The following RAD51D variants were observed in gnomAD, a reference collection of about 807,000 sequenced individuals.
The protein encoded by RAD51D is DNA repair protein RAD51 homolog 4.
In RAD51D, 38 loss-of-function variants were observed where a neutral mutation model predicts 44.1. The ratio of observed to expected loss-of-function variants is 0.86; its 90% CI spans 0.67 to 1.13. RAD51D has a LOEUF of 1.13. Among genes scored for constraint, RAD51D ranks in the 50% most tolerant of loss-of-function variants. The pLI is 0.00. For synonymous variants in RAD51D, 141 were observed against 166.6 expected (o/e 0.85, Z 1.18); for missense variants, 390 against 414.0 (o/e 0.94, Z 0.50).
At chr17:35,115,922 AGGAAGGAAGG>A (rs2091732588) in intron 3 of RAD51D, among the ~76,000 whole-genome samples, 1 of 129,950 alleles carries the variant, frequency 7.7e-6, no homozygotes, top group African/African-American at 2.7e-5. Flanking sequence ...GAAGGAAGGA[AGGAAGGAAGG>A]AAGGAAGAAA....
At chr17:35,114,234 TG>T (rs1212217967) in intron 3 of RAD51D, among the ~76,000 whole-genome samples, 1 of 151,862 alleles carries the variant, frequency 6.6e-6, no homozygotes, top group Non-Finnish European at 1.5e-5. Flanking sequence ...ATCGCGCCAC[TG>T]CACCCCAGCC....
intron 3 of RAD51D, among the ~76,000 whole-genome samples, chr17:35,117,894 C>A (rs770068225): frequency 6.6e-6 from 1 of 152,204 alleles, no homozygotes; most frequent in Non-Finnish European, 1.5e-5. Flanking sequence ...TTGAGCCTCA[C>A]CTTTGCCACT....
chr17:35,093,872 C>T lies in RAD51D; in HGVS notation c.*7081G>A, dbSNP rs1212564634. 1.3e-5 allele frequency: 2 copies of T among 152,156 alleles called. No individual in the cohort carries two copies. The highest frequency in any genetic ancestry group is 3.9e-4 in the East Asian group (2 of 5,192). 9.4% of individuals were successfully genotyped at this position (152,156 alleles called of 1,614,324 possible). A position where few individuals can be genotyped will look rare whatever the true frequency, so the allele number is the denominator to read the frequency against. ...CACAGAGCCTTCTCCAATGCCAAAC[C>T]CCAGCACACAGAACTAGACAGTTTA... On this transcript the variant is annotated 3_prime_UTR_variant, in exon 10 of 10. Coordinates refer to ENST00000345365, the MANE Select transcript of RAD51D (RefSeq NM_002878.4).
At chr17:35,112,132 C>T (rs552997612) in intron 3 of RAD51D, among the ~76,000 whole-genome samples, 14 of 152,348 alleles carry the variant, frequency 9.2e-5, no homozygotes, top group African/African-American at 3.4e-4. Context: ...GGCTGGAGTG[C>T]AGTGGCGCAA....
intron 3 of RAD51D, 52 bp from the exon 4 acceptor site, chr17:35,107,499 G>C: frequency 1.4e-6 from 2 of 1,383,676 alleles, no homozygotes; most frequent in Non-Finnish European, 2.1e-6. Flanking sequence ...GGAAGACAGG[G>C]GAAAAGGTAC....
chr17:35,107,437 GT>G lies in RAD51D; in HGVS notation c.273del (p.Lys91AsnfsTer12). The G allele has an allele frequency of 6.4e-7, 1 of 1,550,962 alleles. No individual in the cohort carries two copies. The highest frequency in any genetic ancestry group is 1.1e-5 in the South Asian group (1 of 89,744). The part of the protein sequence containing the change: ...ILSTGIGSLD[K>X]LLDAGLYTGE... Reference sequence around the variant, plus strand: ...CCAGTATAGAGACCAGCATCAAGCAGTTTATCAAGACTGATGGCAGAAGAGA... The same window carrying G: ...CCAGTATAGAGACCAGCATCAAGCAGTTATCAAGACTGATGGCAGAAGAGA... On this transcript the variant is annotated frameshift_variant, in exon 4 of 10. Coordinates refer to ENST00000345365, the MANE Select transcript of RAD51D (RefSeq NM_002878.4). LOFTEE classifies it high-confidence loss of function.
intron 3 of RAD51D, among the ~76,000 whole-genome samples, chr17:35,117,971 A>T (rs961233783): frequency 6.6e-6 from 1 of 152,248 alleles, no homozygotes; most frequent in Admixed American, 6.5e-5. Context: ...TGAAGAGATT[A>T]CCTAGAACAT....
intron 3 of RAD51D, among the ~76,000 whole-genome samples, chr17:35,108,411 G>T (rs1199594753): frequency 6.9e-6 from 1 of 144,620 alleles, no homozygotes; most frequent in Admixed American, 7.0e-5. Context: ...TGTAGTCTCA[G>T]TTACTTGGGA....
At chr17:35,110,471 C>A (rs901975210) in intron 3 of RAD51D, among the ~76,000 whole-genome samples, 1 of 152,224 alleles carries the variant, frequency 6.6e-6, no homozygotes, top group South Asian at 2.1e-4. Flanking sequence ...ATGGATCATA[C>A]TTTTGGCATC....
rs1034119334 is a variant in RAD51D, at chr17:35,100,292, AAGAGG to A, written c.*656_*660del. ...CAGGCAGGTCTGAAACCAAATCAGCAAGAGGAAAGGAGGAATAAACTGTTCTTTGG... is the reference window on the plus strand; with the variant it reads ...CAGGCAGGTCTGAAACCAAATCAGCAAAAGGAGGAATAAACTGTTCTTTGG... On this transcript the variant is annotated 3_prime_UTR_variant, in exon 10 of 10. Transcript: ENST00000345365. 56 of 534,004 alleles carry A rather than the reference AAGAGG, an allele frequency of 1.0e-4. No homozygotes were observed. Among genetic ancestry groups the A allele is most frequent in the Non-Finnish European group, 1.6e-4 (45 of 276,242 alleles). The allele number at this position is 534,004 out of a possible 1,614,324, so 33.1% of individuals were successfully genotyped here.
In RAD51D at chr17:35,099,649, C is replaced by G; in HGVS notation, c.*1304G>C. 1 of 378,834 alleles carries G rather than the reference C, an allele frequency of 2.6e-6. No individual in the cohort carries two copies. The highest frequency in any genetic ancestry group is 5.1e-6 in the Non-Finnish European group (1 of 195,314). The allele number at this position is 378,834 out of a possible 1,614,324, so 23.5% of individuals were successfully genotyped here. On this transcript the variant is annotated 3_prime_UTR_variant, in exon 10 of 10. Coordinates refer to ENST00000345365, the MANE Select transcript of RAD51D (RefSeq NM_002878.4). ...ATTCTATCCCTGTTGCATTCATCAC[C>G]TCTAAATGTCATTACTTTCTGAGTG...
chr17:35,107,576 C>T lies in RAD51D; in HGVS notation c.264-129G>A, dbSNP rs2091623566. The T allele has an allele frequency of 7.7e-6, 6 of 777,982 alleles. No individual in the cohort carries two copies. In the East Asian group the frequency reaches 1.6e-4, roughly 21 times the overall value. 48.2% of individuals were successfully genotyped at this position (777,982 alleles called of 1,614,324 possible). A position where few individuals can be genotyped will look rare whatever the true frequency, so the allele number is the denominator to read the frequency against. ...TCTTTGAACATCACTGGCCAGGAGGCTTCTCCTGGTGTTTTCTTCTGGTAA... is the reference window on the plus strand; with the variant it reads ...TCTTTGAACATCACTGGCCAGGAGGTTTCTCCTGGTGTTTTCTTCTGGTAA... On this transcript the variant is annotated intron_variant, in intron 3 of 9. Coordinates refer to ENST00000345365, the MANE Select transcript of RAD51D (RefSeq NM_002878.4).
At chr17:35,109,219 T>C (rs1348734082) in intron 3 of RAD51D, among the ~76,000 whole-genome samples, 3 of 152,202 alleles carry the variant, frequency 2.0e-5, no homozygotes, top group South Asian at 2.1e-4. Context: ...ATCCCAGTTA[T>C]TGCATATATG....
chr17:35,113,997 A>T (rs554691978), intron 3 of RAD51D, among the ~76,000 whole-genome samples: 2 of 152,028 alleles, frequency 1.3e-5, no homozygotes, highest in Non-Finnish European at 2.9e-5. Context: ...AGTTGGCTGG[A>T]CGCAGTGGCT....
chr17:35,098,087 G>A lies in RAD51D; in HGVS notation c.*2866C>T, dbSNP rs886687598. On this transcript the variant is annotated 3_prime_UTR_variant, in exon 10 of 10. Transcript: ENST00000345365. The stretch of plus-strand genomic sequence containing the variant: ...CTGGCTGTGAGGGGCACAGCCTGCA[G>A]GAATGTCACGTGGTGGTCTCAAGTA... The A allele has an allele frequency of 2.0e-5, 3 of 152,258 alleles. No homozygotes were observed. Among genetic ancestry groups the A allele is most frequent in the Non-Finnish European group, 4.4e-5 (3 of 68,092 alleles). 9.4% of individuals were successfully genotyped at this position (152,258 alleles called of 1,614,324 possible).
intron 3 of RAD51D, among the ~76,000 whole-genome samples, chr17:35,108,497 TAAAA>T (rs900458144): frequency 1.3e-5 from 1 of 78,404 alleles, no homozygotes; most frequent in Non-Finnish European, 2.5e-5. Flanking sequence ...CTTTTCTCTT[TAAAA>T]AAAAAAAAAA....
Position 35,116,079 on chromosome 17 carries a change from A to G in RAD51D, c.263+2422T>C, listed in dbSNP as rs75517694. ...ATTCCAAACTCCGACAAAAAAAAAA[A>G]AGAAAGAAAGAAAGAAAGGCTAGAA... On this transcript the variant is annotated intron_variant, in intron 3 of 9. Transcript: ENST00000345365. Among the ~76,000 whole-genome samples the G allele has an allele frequency of 2.0e-5, 3 of 151,778 alleles. No homozygotes were observed. In the South Asian group the frequency reaches 6.2e-4, roughly 32 times the overall value.
rs1358750448 is a variant in RAD51D, at chr17:35,116,556, G to A, written c.263+1945C>T. 2.6e-5 allele frequency among the ~76,000 whole-genome samples: 4 copies of A among 152,152 alleles called. No homozygotes were observed. The East Asian group carries it at 7.7e-4, about 29-fold the overall frequency. ...GTTGCCCAGGCTGGAGTGCAGTGGT[G>A]CGATCTCCGCTCACTGCAAGCTCCG... On this transcript the variant is annotated intron_variant, in intron 3 of 9. Coordinates refer to ENST00000345365, the MANE Select transcript of RAD51D (RefSeq NM_002878.4).
At position 35,100,178 on chromosome 17, in the gene RAD51D, A is replaced by G. The variant is rs1338563096; in HGVS notation, c.*775T>C. The G allele has an allele frequency of 1.1e-5, 6 of 532,644 alleles. No individual in the cohort carries two copies. Among genetic ancestry groups the G allele is most frequent in the Admixed American group, 1.1e-4 (5 of 44,958 alleles). The allele number at this position is 532,644 out of a possible 1,614,324, so 33.0% of individuals were successfully genotyped here. A position where few individuals can be genotyped will look rare whatever the true frequency, so the allele number is the denominator to read the frequency against. On this transcript the variant is annotated 3_prime_UTR_variant, in exon 10 of 10. Transcript: ENST00000345365. Reference sequence around the variant, plus strand: ...GCATATTAAATGAGTGGCTGGATTCACCAGGAGCAGGTCATACCCTCCCTT... The same window carrying G: ...GCATATTAAATGAGTGGCTGGATTCGCCAGGAGCAGGTCATACCCTCCCTT...
Sources: allele counts gnomAD v4.1 joint callset (sites outside exome capture counted in the v4.1 genomes callset), GRCh38; gene constraint gnomAD v4.1.1; transcripts MANE v1.5; gene names NCBI Gene and HGNC (gene_info 2026-07-23, HGNC 2026-07-21).